Variants in FGF12 observed in about 807,000 individuals in gnomAD.
FGF12 encodes the protein fibroblast growth factor 12B.
FGF12 carries 14 observed loss-of-function variants against 23.6 expected under a neutral mutation model. The observed-to-expected ratio is 0.59, with a 90% CI of 0.39 to 0.93. The LOEUF (loss-of-function observed/expected upper bound fraction) is 0.93. Ranked by LOEUF, FGF12 falls within the 40% of genes least tolerant of loss-of-function variation. FGF12 has a pLI of 0.00. For missense variants in FGF12, 175 were observed against 217.8 expected (o/e 0.80, Z 1.24); for synonymous variants, 62 against 77.3 (o/e 0.80, Z 1.04).
At chr3:192,318,242 C>G (rs149260656) in intron 4 of FGF12, among the ~76,000 whole-genome samples, 48 of 152,224 alleles carry the variant, frequency 3.2e-4, no homozygotes, top group Middle Eastern at 3.4e-3. Context: ...ATGGCCTCAA[C>G]AAATGAACTA....
In FGF12 at chr3:192,143,954, T is replaced by C; in HGVS notation, c.*55A>G. 9.1e-7 allele frequency: 1 copy of C among 1,104,904 alleles called. No homozygotes were observed. Among genetic ancestry groups the C allele is most frequent in the South Asian group, 1.3e-5 (1 of 78,288 alleles). 68.4% of individuals were successfully genotyped at this position (1,104,904 alleles called of 1,614,324 possible). On this transcript the variant is annotated 3_prime_UTR_variant, in exon 6 of 6. Transcript: ENST00000445105. ...GATTTACTGGAAGGAAATGGGTAAA[T>C]GGGAAGGAAGGGAAGGGGAAGGGAT...
chr3:192,584,139 G>C (rs1306140767), intron 2 of FGF12, among the ~76,000 whole-genome samples: 1 of 152,102 alleles, frequency 6.6e-6, no homozygotes, highest in Non-Finnish European at 1.5e-5. Flanking sequence ...TTCAGAAGGA[G>C]CAAAAGAGAT....
chr3:192,533,863 CT>C (rs1489683390), intron 2 of FGF12: 1 of 152,094 alleles, frequency 6.6e-6, no homozygotes, highest in African/African-American at 2.4e-5. Flanking sequence ...TGTATTTTTC[CT>C]CAAAAGAATA....
chr3:192,614,954 C>CT (rs1714693024), intron 2 of FGF12, among the ~76,000 whole-genome samples: 1 of 151,856 alleles, frequency 6.6e-6, no homozygotes, highest in Non-Finnish European at 1.5e-5. Flanking sequence ...ATATCACTCT[C>CT]TAAGAATTTT....
chr3:192,635,548 C>A (rs75771223), intron 2 of FGF12, among the ~76,000 whole-genome samples: 2 of 152,166 alleles, frequency 1.3e-5, no homozygotes, highest in African/African-American at 4.8e-5. Flanking sequence ...ACTATACCAG[C>A]ACCTAAAAGT....
At chr3:192,635,637 ACAAT>A (rs1185270428) in intron 2 of FGF12, among the ~76,000 whole-genome samples, 3 of 152,204 alleles carry the variant, frequency 2.0e-5, no homozygotes, top group Admixed American at 2.0e-4. Context: ...ACCAGAGAAA[ACAAT>A]CAGTTATTTG....
intron 2 of FGF12, among the ~76,000 whole-genome samples, chr3:192,715,839 G>A (rs1718849225): frequency 6.6e-6 from 1 of 152,204 alleles, no homozygotes; most frequent in African/African-American, 2.4e-5. Context: ...AACAAGCAAT[G>A]TGCATGGCAC....
intron 4 of FGF12, among the ~76,000 whole-genome samples, chr3:192,228,531 G>A (rs1158129701): frequency 3.9e-5 from 6 of 152,016 alleles, no homozygotes; most frequent in Non-Finnish European, 8.8e-5. Context: ...GTCACCTTTG[G>A]ACAGTATACA....
At chr3:192,491,536 C>T (rs1281695351) in intron 2 of FGF12, among the ~76,000 whole-genome samples, 2 of 152,082 alleles carry the variant, frequency 1.3e-5, no homozygotes, top group Non-Finnish European at 2.9e-5. Context: ...CTTGACACCA[C>T]CTTTAGCTGT....
chr3:192,483,718 T>C (rs1723544598), intron 2 of FGF12, among the ~76,000 whole-genome samples: 1 of 152,008 alleles, frequency 6.6e-6, no homozygotes, highest in Admixed American at 6.6e-5. Flanking sequence ...AAGGTTACTA[T>C]TTGGATGCAT....
At chr3:192,358,975 G>T (rs2108730969) in intron 3 of FGF12, among the ~76,000 whole-genome samples, 1 of 152,254 alleles carries the variant, frequency 6.6e-6, no homozygotes, top group Non-Finnish European at 1.5e-5. Context: ...GTGGTTCCCT[G>T]GTTCTTGCAT....
chr3:192,573,652 A>C (rs533014037), intron 2 of FGF12, among the ~76,000 whole-genome samples: 4 of 151,984 alleles, frequency 2.6e-5, no homozygotes, highest in Non-Finnish European at 4.4e-5. Context: ...ATAAATAAAT[A>C]AATAAAAATC....
At chr3:192,186,015 T>C (rs1430275109) in intron 4 of FGF12, among the ~76,000 whole-genome samples, 1 of 152,192 alleles carries the variant, frequency 6.6e-6, no homozygotes, top group Non-Finnish European at 1.5e-5. Flanking sequence ...GCCTATAATA[T>C]GAGAGAATAA....
intron 4 of FGF12, among the ~76,000 whole-genome samples, chr3:192,230,306 G>A (rs1002200990): frequency 2.0e-5 from 3 of 152,202 alleles, no homozygotes; most frequent in Middle Eastern, 6.8e-3. Context: ...TACATATATG[G>A]TGTTACTGTT....
intron 2 of FGF12, among the ~76,000 whole-genome samples, chr3:192,686,471 A>G (rs1463035869): frequency 3.3e-5 from 5 of 152,080 alleles, no homozygotes; most frequent in African/African-American, 1.2e-4. Flanking sequence ...CCACCATTCT[A>G]TCTCACCGAC....
chr3:192,532,229 G>A (rs997301344), intron 2 of FGF12, among the ~76,000 whole-genome samples: 3 of 152,066 alleles, frequency 2.0e-5, no homozygotes, highest in African/African-American at 7.2e-5. Flanking sequence ...CTTTGGCTGT[G>A]TGGGCTCTTT....
chr3:192,189,119 T>C (rs528143884), intron 4 of FGF12, among the ~76,000 whole-genome samples: 1 of 152,356 alleles, frequency 6.6e-6, no homozygotes, highest in East Asian at 1.9e-4. Context: ...CAGCCGCAGC[T>C]TGTAGGCTTC....
intron 5 of FGF12, among the ~76,000 whole-genome samples, chr3:192,148,262 T>C (rs984861711): frequency 1.3e-5 from 2 of 152,220 alleles, no homozygotes; most frequent in African/African-American, 2.4e-5. Flanking sequence ...ATACATATAA[T>C]GAAATATTAT....
At chr3:192,675,324 T>C (rs1460974987) in intron 2 of FGF12, among the ~76,000 whole-genome samples, 1 of 152,114 alleles carries the variant, frequency 6.6e-6, no homozygotes, top group African/African-American at 2.4e-5. Flanking sequence ...TCCTACTTTT[T>C]TTTTCAAGTG....
Sources: gnomAD v4.1 joint callset for allele counts (sites outside exome capture counted in the v4.1 genomes callset) on GRCh38, gnomAD v4.1.1 for gene constraint, MANE v1.5 for transcripts, NCBI Gene and HGNC (gene_info 2026-07-23, HGNC 2026-07-21) for gene names.